ABCA1: variants seen among roughly 807,000 people sequenced by gnomAD.
ABCA1 encodes phospholipid-transporting ATPase ABCA1.
ABCA1 carries 133 observed loss-of-function variants against 262.5 expected under a neutral mutation model. The observed-to-expected ratio is 0.51, with a 90% CI of 0.44 to 0.59. ABCA1 has a LOEUF of 0.59. Among genes scored for constraint, ABCA1 ranks in the 20% least tolerant of loss-of-function variants. ABCA1 has a pLI of 0.00. For synonymous variants in ABCA1, 1,022 were observed against 1,043.5 expected (o/e 0.98, Z 0.40); for missense variants, 2,452 against 2,777.5 (o/e 0.88, Z 2.63).
intron 2 of ABCA1, among the ~76,000 whole-genome samples, chr9:104,895,544 C>T (rs2740493): frequency 0.47 from 71,299 of 152,024 alleles, 18,920 homozygotes; most frequent in African/African-American, 0.73. Context: ...CGGCCCCGGT[C>T]GAGAACCACT....
intron 1 of ABCA1, among the ~76,000 whole-genome samples, chr9:104,912,750 G>T (rs553659448): frequency 6.6e-6 from 1 of 152,108 alleles, no homozygotes; most frequent in Non-Finnish European, 1.5e-5. Context: ...TGGTCGGGGG[G>T]TATGTAGCAC....
intron 2 of ABCA1, among the ~76,000 whole-genome samples, chr9:104,891,452 T>A (rs1839737972): frequency 6.6e-6 from 1 of 151,634 alleles, no homozygotes; most frequent in Non-Finnish European, 1.5e-5. Flanking sequence ...AAAAATTAGA[T>A]GGGCATGGGG....
chr9:104,794,106 G>A, intron 40 of ABCA1, among the ~76,000 whole-genome samples: 1 of 152,192 alleles, frequency 6.6e-6, no homozygotes, highest in East Asian at 1.9e-4. Context: ...AACCCAGACA[G>A]TGGCATGAGC....
At position 104,782,368 on chromosome 9, in the gene ABCA1, A is replaced by G. The variant is rs1257308971; in HGVS notation, c.*1947T>C. ...TTCTGTAAATTTAAAAAATATAGAA[A>G]GATTAATTTGAAATCTGAAGTCTTA... is the stretch of plus-strand genomic sequence containing the variant. On this transcript the variant is annotated 3_prime_UTR_variant, in exon 50 of 50. Transcript: ENST00000374736. 6.6e-6 allele frequency: 1 copy of G among 152,126 alleles called. No individual in the cohort carries two copies. The highest frequency in any genetic ancestry group is 2.4e-5 in the African/African-American group (1 of 41,472). 9.4% of individuals were successfully genotyped at this position (152,126 alleles called of 1,614,324 possible).
intron 1 of ABCA1, among the ~76,000 whole-genome samples, chr9:104,907,844 G>C (rs1011076704): frequency 2.0e-5 from 3 of 152,198 alleles, no homozygotes; most frequent in Admixed American, 2.0e-4. Context: ...CGCTCTCTGG[G>C]TCTCATCAGT....
intron 1 of ABCA1, among the ~76,000 whole-genome samples, chr9:104,921,314 C>T (rs1013980684): frequency 8.5e-5 from 13 of 152,094 alleles, no homozygotes; most frequent in East Asian, 1.9e-4. Context: ...AACAAACACC[C>T]CCCAAGAAAA....
rs955212668 is a variant in ABCA1, at chr9:104,826,970, C to G, written c.2315G>C (p.Gly772Ala). 1.9e-6 allele frequency: 3 copies of G among 1,613,900 alleles called. No homozygotes were observed. In the African/African-American group the frequency reaches 4.0e-5, roughly 22 times the overall value. ...VLCVAWQDYV[G>A]FTLKIFASLL... ...CACAGCGAAGATCTTGAGTGTGAAG[C>G]CCACGTAGTCCTGCCATGCCACACA... Residue 772 changes from glycine to alanine, a missense_variant, in exon 16 of 50, where the codon GGC (glycine) becomes GCC (alanine). Transcript: ENST00000374736.
chr9:104,790,339 T>C (rs12003698), intron 44 of ABCA1, among the ~76,000 whole-genome samples: 9,939 of 152,142 alleles, frequency 0.065, 702 homozygotes, highest in African/African-American at 0.18. Context: ...ATTTACATAG[T>C]GAAAAATGGA....
At chr9:104,828,589 C>A (rs1299059600) in intron 15 of ABCA1, among the ~76,000 whole-genome samples, 2 of 152,190 alleles carry the variant, frequency 1.3e-5, no homozygotes, top group African/African-American at 4.8e-5. Context: ...CCCAATATAT[C>A]TAAGAAAATA....
intron 19 of ABCA1, 42 bp downstream of exon 19, chr9:104,822,454 C>T: frequency 6.2e-7 from 1 of 1,611,250 alleles, no homozygotes; most frequent in Non-Finnish European, 8.5e-7. Context: ...ACTGCAGAAC[C>T]CTCCTGTGGC....
At chr9:104,792,216 T>G (rs1310791704) in intron 42 of ABCA1, among the ~76,000 whole-genome samples, 1 of 152,250 alleles carries the variant, frequency 6.6e-6, no homozygotes, top group African/African-American at 2.4e-5. Context: ...TGAACTTACT[T>G]TTTAACCTGT....
At chr9:104,898,529 AGAAC>A (rs1840399514) in intron 2 of ABCA1, among the ~76,000 whole-genome samples, 1 of 151,806 alleles carries the variant, frequency 6.6e-6, no homozygotes, top group Non-Finnish European at 1.5e-5. Context: ...CCTGGGCGAC[AGAAC>A]TAGACTCCGT....
At chr9:104,795,270 T>C (rs1404590078) in intron 39 of ABCA1, among the ~76,000 whole-genome samples, 1 of 152,178 alleles carries the variant, frequency 6.6e-6, no homozygotes, top group African/African-American at 2.4e-5. Context: ...AGGCAACTCA[T>C]CTGAAGCTTA....
At chr9:104,894,990 A>G (rs971065720) in intron 2 of ABCA1, among the ~76,000 whole-genome samples, 2 of 152,224 alleles carry the variant, frequency 1.3e-5, no homozygotes, top group African/African-American at 4.8e-5. Flanking sequence ...CTGCCAGGAT[A>G]TGCCATTATG....
intron 9 of ABCA1, 79 bp downstream of exon 9, chr9:104,840,197 GGGA>G (rs1834240823): frequency 1.2e-6 from 2 of 1,609,808 alleles, no homozygotes; most frequent in Non-Finnish European, 1.7e-6. Context: ...CTGCTACAGA[GGGA>G]GGAGATGACA....
rs539865946 is a variant in ABCA1 at position 104,812,522 on chromosome 9, C to G, written c.4050+52G>C. On this transcript the variant is annotated intron_variant, in intron 28 of 49. Coordinates refer to ENST00000374736, the MANE Select transcript of ABCA1 (RefSeq NM_005502.4). ...TATCCTGCCTTCACTGGTCACAGAG[C>G]CTGCAGCCCACCCATGAAGCCAGAG... The G allele has an allele frequency of 3.5e-4, 566 of 1,612,084 alleles. 1 individual carries two copies. The highest frequency in any genetic ancestry group is 4.1e-4 in the Non-Finnish European group (485 of 1,179,120).
Position 104,786,355 on chromosome 9 carries a change from G to C in ABCA1, c.6344C>G (p.Ala2115Gly). 1 of 1,614,086 alleles carries C rather than the reference G, an allele frequency of 6.2e-7. No individual in the cohort carries two copies. Among genetic ancestry groups the C allele is most frequent in the Non-Finnish European group, 8.5e-7 (1 of 1,179,992 alleles). ...EECEALCTRM[A>G]IMVNGRFRCL... ...CCTGAACCTTCCATTGACCATGATT[G>C]CCATCCTAGTGCAAAGAGCTTCACA... The change falls in exon 48 of 50, where the codon GCA (alanine) becomes GGA (glycine). Residue 2115 changes from alanine (A) to glycine (G), a missense_variant. By Grantham distance (60) the Ala-to-Gly change is moderately conservative (BLOSUM62 0). Coordinates refer to ENST00000374736, the MANE Select transcript of ABCA1 (RefSeq NM_005502.4).
At chr9:104,814,533 AC>A (rs1831563091) in intron 25 of ABCA1, 58 bp from the exon 26 acceptor site, 1 of 1,493,204 alleles carries the variant, frequency 6.7e-7, no homozygotes, top group Non-Finnish European at 9.3e-7. Flanking sequence ...AGTAGTCACC[AC>A]TGCCACGATT....
At chr9:104,908,230 A>G (rs974790887) in intron 1 of ABCA1, among the ~76,000 whole-genome samples, 1 of 152,248 alleles carries the variant, frequency 6.6e-6, no homozygotes, top group African/African-American at 2.4e-5. Flanking sequence ...AAATAGTTTG[A>G]CAGTTTCTGC....
Sources: allele counts gnomAD v4.1 joint callset (sites outside exome capture counted in the v4.1 genomes callset), GRCh38; gene constraint gnomAD v4.1.1; transcripts MANE v1.5; gene names NCBI Gene and HGNC (gene_info 2026-07-23, HGNC 2026-07-21).